The following DIP2C variants were observed in gnomAD, a reference collection of about 807,000 sequenced individuals.
DIP2C encodes DIP2 acetate--CoA ligase C (putative).
In DIP2C, 33 loss-of-function variants were observed where a neutral mutation model predicts 192.4. That is an observed-to-expected ratio of 0.17 (90% CI 0.13 to 0.23). The LOEUF is 0.23. Among genes scored for constraint, DIP2C ranks in the 10% least tolerant of loss-of-function variants. The probability of loss-of-function intolerance (pLI) is 1.00; values close to 1 mark genes in which losing one functional copy is unlikely to be tolerated. For missense variants in DIP2C, 1,537 were observed against 2,110.1 expected, an observed-to-expected ratio of 0.73 and a Z score of 5.32; for synonymous variants, 979 against 864.1, an observed-to-expected ratio of 1.13 and a Z score of -2.33.
At chr10:626,049 C>G (rs1292034691) in intron 1 of DIP2C, among the ~76,000 whole-genome samples, 1 of 152,124 alleles carries the variant, frequency 6.6e-6, no homozygotes, top group Non-Finnish European at 1.5e-5. Context: ...CAAAGTGTTC[C>G]CAGAAGGTAA....
At chr10:462,706 G>A (rs1969892192) in intron 3 of DIP2C, among the ~76,000 whole-genome samples, 1 of 151,976 alleles carries the variant, frequency 6.6e-6, no homozygotes, top group Non-Finnish European at 1.5e-5. Context: ...CCAAAACCTG[G>A]CAGACACACA....
In DIP2C at chr10:277,196, T is replaced by A; in HGVS notation, c.*129A>T. 7.1e-7 allele frequency: 1 copy of A among 1,402,332 alleles called. No individual in the cohort carries two copies. The allele number at this position is 1,402,332 out of a possible 1,614,324, so 86.9% of individuals were successfully genotyped here. On this transcript the variant is annotated 3_prime_UTR_variant, in exon 37 of 37. Coordinates refer to ENST00000280886, the MANE Select transcript of DIP2C (RefSeq NM_014974.3). The stretch of plus-strand genomic sequence containing the variant: ...CTGTGAGAAGTCCTCTTCCTCCTCC[T>A]CTTCCTCCTCCACTCTCACCACAAA...
intron 9 of DIP2C, among the ~76,000 whole-genome samples, chr10:407,022 C>T (rs906320156): frequency 1.3e-5 from 2 of 152,122 alleles, no homozygotes; most frequent in Admixed American, 1.3e-4. Flanking sequence ...AGCCCTCACC[C>T]GCCAAGTTAT....
chr10:289,136 A>C (rs1202671056), intron 32 of DIP2C, among the ~76,000 whole-genome samples: 1 of 152,192 alleles, frequency 6.6e-6, no homozygotes, highest in Non-Finnish European at 1.5e-5. Context: ...ATTTAAACAA[A>C]ATAAAGCAAA....
chr10:329,405 G>T, intron 30 of DIP2C, 28 bp downstream of exon 30: 1 of 1,599,950 alleles, frequency 6.3e-7, no homozygotes, highest in South Asian at 1.1e-5. Flanking sequence ...GGCTCACAGG[G>T]CACTGAGCTG....
chr10:558,550 G>A (rs1337358558), intron 1 of DIP2C, among the ~76,000 whole-genome samples: 1 of 152,134 alleles, frequency 6.6e-6, no homozygotes, highest in Non-Finnish European at 1.5e-5. Flanking sequence ...GTCCAGCCCA[G>A]CCCAGTCACA....
intron 31 of DIP2C, among the ~76,000 whole-genome samples, chr10:319,829 G>C (rs1186467228): frequency 6.6e-6 from 1 of 151,996 alleles, no homozygotes; most frequent in Non-Finnish European, 1.5e-5. Flanking sequence ...TTACCTCCTA[G>C]CTTTGTCAAT....
Position 377,451 on chromosome 10 carries a change from C to A in DIP2C, c.1991+5196G>T, listed in dbSNP as rs190302900. Among the ~76,000 whole-genome samples the A allele has an allele frequency of 9.2e-5, 14 of 152,358 alleles. No homozygotes were observed. The East Asian group carries it at 2.5e-3, about 27-fold the overall frequency. ...TAAACAGGAAACTTGGTTTGCTATT[C>A]GATGCTACCTAACTCTCATGGTCTG... On this transcript the variant is annotated intron_variant, in intron 17 of 36. Coordinates refer to ENST00000280886, the MANE Select transcript of DIP2C (RefSeq NM_014974.3).
chr10:419,936 T>A (rs1331397910), intron 5 of DIP2C, among the ~76,000 whole-genome samples: 2 of 152,208 alleles, frequency 1.3e-5, no homozygotes, highest in Admixed American at 6.5e-5. Context: ...AGCATGCTTT[T>A]CTATTTAATG....
chr10:328,562 T>C (rs1036325282), intron 30 of DIP2C, among the ~76,000 whole-genome samples: 1 of 151,348 alleles, frequency 6.6e-6, no homozygotes, highest in African/African-American at 2.4e-5. Flanking sequence ...TAATACAATA[T>C]AGATGAACAT....
intron 1 of DIP2C, among the ~76,000 whole-genome samples, chr10:626,174 C>T (rs1267805368): frequency 6.6e-6 from 1 of 152,218 alleles, no homozygotes; most frequent in African/African-American, 2.4e-5. Context: ...TGCTAGAGTC[C>T]AGGCCTCCAT....
At chr10:420,763 A>G (rs1487927014) in intron 5 of DIP2C, among the ~76,000 whole-genome samples, 1 of 152,228 alleles carries the variant, frequency 6.6e-6, no homozygotes, top group African/African-American at 2.4e-5. Context: ...TTGCTTCAAC[A>G]GCAAGTAGAA....
intron 3 of DIP2C, among the ~76,000 whole-genome samples, chr10:448,220 C>T (rs1231162308): frequency 1.6e-5 from 2 of 126,374 alleles, no homozygotes; most frequent in East Asian, 4.4e-4. Flanking sequence ...CACTCATTCC[C>T]GTCAATAATC....
At chr10:639,905 C>G (rs543722252) in intron 1 of DIP2C, among the ~76,000 whole-genome samples, 2 of 152,342 alleles carry the variant, frequency 1.3e-5, no homozygotes, top group South Asian at 4.1e-4. Flanking sequence ...GTCCCTCCCC[C>G]GCCCGGCCTG....
chr10:571,813 C>T (rs1345241213), intron 1 of DIP2C, among the ~76,000 whole-genome samples: 2 of 152,160 alleles, frequency 1.3e-5, no homozygotes, highest in African/African-American at 4.8e-5. Context: ...GTATCCCAGC[C>T]AAGAGGCCCT....
chr10:651,537 A>C lies in DIP2C; in HGVS notation c.85+37957T>G, dbSNP rs1376349379. The C allele has an allele frequency of 2.1e-6, 1 of 465,204 alleles. No individual in the cohort carries two copies. Among genetic ancestry groups the C allele is most frequent in the African/African-American group, 2.0e-5 (1 of 50,666 alleles). The allele number at this position is 465,204 out of a possible 1,614,324, so 28.8% of individuals were successfully genotyped here. On this transcript the variant is annotated intron_variant, in intron 1 of 36. Coordinates refer to ENST00000280886, the MANE Select transcript of DIP2C (RefSeq NM_014974.3). The surrounding 1 kb of genome is among the most constrained non-coding windows in gnomAD (Gnocchi z 4.1). The stretch of plus-strand genomic sequence containing the variant: ...GAAGGTATTATGCAAAAAAAGCTTA[A>C]CTTTGTTTCAGTGCCTTTCCAGTTA...
At chr10:278,310 G>C (rs941620843) in intron 36 of DIP2C, among the ~76,000 whole-genome samples, 1 of 152,262 alleles carries the variant, frequency 6.6e-6, no homozygotes, top group Admixed American at 6.5e-5. Flanking sequence ...GCGCCTGAGT[G>C]GGGGTGTGTT....
At chr10:621,700 T>A (rs1202773048) in intron 1 of DIP2C, among the ~76,000 whole-genome samples, 1 of 152,118 alleles carries the variant, frequency 6.6e-6, no homozygotes, top group Non-Finnish European at 1.5e-5. Context: ...TCCTCCCACG[T>A]GGATCAGGAG....
At chr10:382,030 C>G (rs1962416572) in intron 17 of DIP2C, among the ~76,000 whole-genome samples, 1 of 152,176 alleles carries the variant, frequency 6.6e-6, no homozygotes, top group Middle Eastern at 3.2e-3. Context: ...AACCCCAAAC[C>G]CACAGACGGC....
Sources: gnomAD v4.1 joint callset for allele counts (sites outside exome capture counted in the v4.1 genomes callset) on GRCh38, gnomAD v4.1.1 for gene constraint, Gnocchi (gnomAD v3.1) non-coding constraint, MANE v1.5 for transcripts, NCBI Gene and HGNC (gene_info 2026-07-23, HGNC 2026-07-21) for gene names.